The following NTM variants were observed in gnomAD, a reference collection of about 807,000 sequenced individuals.
The protein encoded by NTM is IgLON family member 2.
NTM carries 13 observed loss-of-function variants against 42.1 expected under a neutral mutation model. The observed-to-expected ratio is 0.31, with a 90% confidence interval of 0.20 to 0.49. The LOEUF (loss-of-function observed/expected upper bound fraction) is 0.49. Ranked by LOEUF, NTM falls within the 20% of genes least tolerant of loss-of-function variation. The pLI is 0.99. For missense variants in NTM, 373 were observed against 452.8 expected (o/e 0.82, Z 1.60); for synonymous variants, 187 against 179.2 (o/e 1.04, Z -0.35).
chr11:132,048,270 C>T (rs2078299375), intron 2 of NTM, among the ~76,000 whole-genome samples: 1 of 152,176 alleles, frequency 6.6e-6, no homozygotes, highest in South Asian at 2.1e-4. Flanking sequence ...CCTCCTCCCT[C>T]CCTTCAGCGG....
chr11:131,401,844 A>ATGTATATATATATATATATATATATG (rs1945263430), intron 1 of NTM, among the ~76,000 whole-genome samples: 18 of 101,086 alleles, frequency 1.8e-4, no homozygotes, highest in African/African-American at 6.6e-4. Flanking sequence ...ATATATATAT[A>ATGTATATATATATATATATATATATG]TATATATATA....
At chr11:131,859,017 C>A (rs189682112) in intron 1 of NTM, among the ~76,000 whole-genome samples, 1 of 152,108 alleles carries the variant, frequency 6.6e-6, no homozygotes, top group Non-Finnish European at 1.5e-5. Flanking sequence ...CAGAGTTTTG[C>A]CGCACTTCAG....
intron 1 of NTM, chr11:131,777,106 T>C: frequency 1.1e-6 from 1 of 944,072 alleles, no homozygotes. Context: ...ATTTCTATTA[T>C]TGAAGGAAGT....
At chr11:131,585,003 TG>T (rs750157200) in intron 1 of NTM, among the ~76,000 whole-genome samples, 1 of 142,122 alleles carries the variant, frequency 7.0e-6, no homozygotes, top group East Asian at 2.3e-4. Flanking sequence ...GGGGGTGCAG[TG>T]GGGGGGAAGC....
intron 2 of NTM, among the ~76,000 whole-genome samples, chr11:132,117,385 C>T (rs7937517): frequency 0.55 from 83,447 of 152,100 alleles, 23,698 homozygotes; most frequent in African/African-American, 0.65. Context: ...GTCTGTGCCC[C>T]ACCTTGCTTG....
chr11:131,746,759 A>G (rs1591568447), intron 1 of NTM, among the ~76,000 whole-genome samples: 1 of 152,164 alleles, frequency 6.6e-6, no homozygotes, highest in East Asian at 1.9e-4. Context: ...TGGCATTTTT[A>G]TAAAACTTTG....
chr11:132,330,326 TC>T lies in NTM; in HGVS notation c.967+143del, dbSNP rs2095778672. 3.0e-5 allele frequency: 26 copies of T among 880,464 alleles called. No individual in the cohort carries two copies. In the South Asian group the frequency reaches 4.8e-4, roughly 16 times the overall value. 54.5% of individuals were successfully genotyped at this position (880,464 alleles called of 1,614,324 possible). ...AACCCTCCCCCAACCTTCAACCATC[TC>T]CGTGTCAATTTAGATTAACCCCATC... On this transcript the variant is annotated intron_variant, in intron 8 of 8. Transcript: ENST00000683400.
chr11:131,598,762 CT>C (rs1212590972), intron 1 of NTM, among the ~76,000 whole-genome samples: 529 of 36,694 alleles, frequency 0.014, 35 homozygotes, highest in African/African-American at 0.038. Flanking sequence ...TTTCTTCTTT[CT>C]TTTTTTCTTT....
intron 1 of NTM, among the ~76,000 whole-genome samples, chr11:131,825,221 C>T (rs1342354554): frequency 6.6e-6 from 1 of 152,144 alleles, no homozygotes; most frequent in Non-Finnish European, 1.5e-5. Flanking sequence ...GTGCCCAAAT[C>T]TCCCCTTTTC....
intron 1 of NTM, among the ~76,000 whole-genome samples, chr11:131,733,473 TCC>T (rs2135506398): frequency 7.5e-6 from 1 of 134,148 alleles, no homozygotes; most frequent in Non-Finnish European, 1.6e-5. Context: ...TTTCCTTCCT[TCC>T]TTCCTTCCTT....
intron 1 of NTM, among the ~76,000 whole-genome samples, chr11:131,390,075 T>C (rs1392987082): frequency 6.6e-6 from 1 of 152,136 alleles, no homozygotes; most frequent in African/African-American, 2.4e-5. Context: ...AAGAGGTTTA[T>C]TTGGCTCATG....
At chr11:131,547,441 T>C (rs2136873111) in intron 1 of NTM, among the ~76,000 whole-genome samples, 1 of 152,136 alleles carries the variant, frequency 6.6e-6, no homozygotes, top group Admixed American at 6.5e-5. Flanking sequence ...GGAAGAGACT[T>C]TGAGGTGGGC....
intron 2 of NTM, among the ~76,000 whole-genome samples, chr11:132,095,563 C>T (rs938502200): frequency 1.3e-5 from 2 of 152,178 alleles, no homozygotes; most frequent in African/African-American, 4.8e-5. Context: ...AAGACCAGAA[C>T]TAAAGAAGAC....
intron 1 of NTM, among the ~76,000 whole-genome samples, chr11:131,802,859 C>G (rs542195884): frequency 6.6e-6 from 1 of 152,216 alleles, no homozygotes; most frequent in African/African-American, 2.4e-5. Context: ...TGAGCTTTAT[C>G]CATTATGCTG....
At chr11:131,464,040 GT>G (rs1373809058) in intron 1 of NTM, among the ~76,000 whole-genome samples, 2 of 152,242 alleles carry the variant, frequency 1.3e-5, no homozygotes, top group African/African-American at 4.8e-5. Flanking sequence ...TTTCTAGGCA[GT>G]TTCCCCGTCT....
At chr11:131,409,005 C>T (rs1248668814) in intron 1 of NTM, among the ~76,000 whole-genome samples, 1 of 152,186 alleles carries the variant, frequency 6.6e-6, no homozygotes, top group Non-Finnish European at 1.5e-5. Flanking sequence ...GTGCCAAGCA[C>T]CGTGCCAGGC....
chr11:132,235,817 T>C (rs906002956), intron 4 of NTM, among the ~76,000 whole-genome samples: 3 of 152,344 alleles, frequency 2.0e-5, no homozygotes, highest in Admixed American at 1.3e-4. Context: ...CTCTGGCATA[T>C]GCAGTCTATT....
Position 132,100,034 on chromosome 11 carries a change from G to A in NTM, c.168-46248G>A, listed in dbSNP as rs562125556. Among the ~76,000 whole-genome samples the A allele has an allele frequency of 2.3e-4, 35 of 152,094 alleles. No individual in the cohort carries two copies. In the South Asian group the frequency reaches 6.4e-3, roughly 28 times the overall value. Reference sequence around the variant, plus strand: ...TCCTTTGAGACACTGGACTAAAATCGTGAACAAAATAGGCATTCTCACAGA... The same window carrying A: ...TCCTTTGAGACACTGGACTAAAATCATGAACAAAATAGGCATTCTCACAGA... On this transcript the variant is annotated intron_variant, in intron 2 of 8. Coordinates refer to ENST00000683400, the MANE Select transcript of NTM (RefSeq NM_001352005.2).
At chr11:131,911,427 CG>C (rs1285042465) in intron 1 of NTM, 136 bp from the exon 2 acceptor site, 3 of 1,610,872 alleles carry the variant, frequency 1.9e-6, no homozygotes, top group East Asian at 2.2e-5. Flanking sequence ...TGTGCTCGCC[CG>C]GGGGGCGTGT....
Sources: allele counts gnomAD v4.1 joint callset (sites outside exome capture counted in the v4.1 genomes callset), GRCh38; gene constraint gnomAD v4.1.1; transcripts MANE v1.5; gene names NCBI Gene and HGNC (gene_info 2026-07-23, HGNC 2026-07-21).